The following TEAD4 variants were observed in gnomAD, a reference collection of about 807,000 sequenced individuals.
TEAD4 encodes the protein transcriptional enhancer factor TEF-3.
A neutral mutation model predicts 52.4 loss-of-function variants in TEAD4; 36 were observed. That is an observed-to-expected ratio of 0.69 (90% CI 0.53 to 0.91). The LOEUF is 0.91. Ranked by LOEUF, TEAD4 falls within the 40% of genes least tolerant of loss-of-function variation. TEAD4 has a pLI of 0.00. For synonymous variants in TEAD4, 220 were observed against 231.0 expected, an observed-to-expected ratio of 0.95 and a Z score of 0.43; for missense variants, 508 against 583.9, an observed-to-expected ratio of 0.87 and a Z score of 1.34.
Position 3,013,387 on chromosome 12 carries a change from C to T in TEAD4, c.354+1155C>T, listed in dbSNP as rs542787108. Among the ~76,000 whole-genome samples the T allele has an allele frequency of 5.3e-5, 8 of 152,134 alleles. No homozygotes were observed. The East Asian group carries it at 9.7e-4, about 18-fold the overall frequency. On this transcript the variant is annotated intron_variant, in intron 5 of 12. Coordinates refer to ENST00000359864, the MANE Select transcript of TEAD4 (RefSeq NM_003213.4). ...GGTTGGCAAAGCTCCTCTCCTCCCGCGCATCCTTTCCCACCCCATGGAACT... is the reference window on the plus strand; with the variant it reads ...GGTTGGCAAAGCTCCTCTCCTCCCGTGCATCCTTTCCCACCCCATGGAACT...
At chr12:3,039,193 C>G (rs1187844326) in intron 11 of TEAD4, among the ~76,000 whole-genome samples, 2 of 152,240 alleles carry the variant, frequency 1.3e-5, no homozygotes, top group Non-Finnish European at 2.9e-5. Context: ...GTGCCTGAAA[C>G]CCATTCATCA....
chr12:2,962,836 C>G (rs2153951989), intron 2 of TEAD4, among the ~76,000 whole-genome samples: 1 of 152,246 alleles, frequency 6.6e-6, no homozygotes, highest in African/African-American at 2.4e-5. Context: ...ATGCCGCAAC[C>G]CTGGTGAGTG....
intron 10 of TEAD4, among the ~76,000 whole-genome samples, chr12:3,037,280 G>C (rs1200654623): frequency 6.6e-6 from 1 of 152,164 alleles, no homozygotes; most frequent in Admixed American, 6.5e-5. Flanking sequence ...GATTCCCGGG[G>C]CAGTTAAGAG....
chr12:2,971,528 T>G (rs572417000), intron 2 of TEAD4, among the ~76,000 whole-genome samples: 19 of 152,104 alleles, frequency 1.2e-4, no homozygotes, highest in Non-Finnish European at 2.5e-4. Context: ...CAGGCTGGAG[T>G]GCTGTGGTGC....
intron 10 of TEAD4, among the ~76,000 whole-genome samples, chr12:3,024,611 C>T (rs1040369051): frequency 6.6e-6 from 1 of 152,028 alleles, no homozygotes; most frequent in Non-Finnish European, 1.5e-5. Flanking sequence ...GAGCCAAAAT[C>T]GCACCATTGC....
chr12:2,995,034 G>A, intron 3 of TEAD4, 42 bp downstream of exon 3: 4 of 1,589,012 alleles, frequency 2.5e-6, no homozygotes, highest in Non-Finnish European at 3.4e-6. Flanking sequence ...TGAGGCTGAG[G>A]CAAGGGGCCG....
chr12:3,004,221 C>T (rs1243616219), intron 3 of TEAD4, among the ~76,000 whole-genome samples: 2 of 152,224 alleles, frequency 1.3e-5, no homozygotes, highest in Non-Finnish European at 2.9e-5. Context: ...AGGGAAGGAG[C>T]AGCATCGTCC....
At chr12:2,985,707 T>C (rs1260781880) in intron 2 of TEAD4, among the ~76,000 whole-genome samples, 7 of 151,838 alleles carry the variant, frequency 4.6e-5, no homozygotes, top group Non-Finnish European at 8.8e-5. Flanking sequence ...GGTTTCAGCA[T>C]ATTGGCCAGG....
chr12:3,024,019 C>A lies in TEAD4; in HGVS notation c.897+2002C>A, dbSNP rs569495157. 3.3e-5 allele frequency among the ~76,000 whole-genome samples: 5 copies of A among 151,962 alleles called. No homozygotes were observed. In the South Asian group the frequency reaches 8.3e-4, roughly 25 times the overall value. On this transcript the variant is annotated intron_variant, in intron 10 of 12. Transcript: ENST00000359864. ...ATTAGCTGTGTTACATCACTTTTCC[C>A]CCTCATCATCCCAATGTAATAATAT...
chr12:3,016,605 A>AT (rs545083226), intron 5 of TEAD4, among the ~76,000 whole-genome samples: 5 of 130,094 alleles, frequency 3.8e-5, no homozygotes, highest in African/African-American at 1.5e-4. Flanking sequence ...CTGTCTCTGG[A>AT]AAAAAAAAAA....
In TEAD4 at chr12:2,971,146, C is replaced by G. The variant is rs1236577388; in HGVS notation, c.-30+11106C>G. ...CTGGTTCCTGTCCTCATGGAACTTG[C>G]AGGGAAATGGACTGTGAAGCTAGCA... On this transcript the variant is annotated intron_variant, in intron 2 of 12. Coordinates refer to ENST00000359864, the MANE Select transcript of TEAD4 (RefSeq NM_003213.4). Among the ~76,000 whole-genome samples the G allele has an allele frequency of 2.0e-5, 3 of 152,168 alleles. No homozygotes were observed. The East Asian group carries it at 5.8e-4, about 29-fold the overall frequency.
At chr12:2,971,813 T>C (rs989547828) in intron 2 of TEAD4, among the ~76,000 whole-genome samples, 1 of 136,084 alleles carries the variant, frequency 7.3e-6, no homozygotes, top group African/African-American at 3.1e-5. Flanking sequence ...TTTCTTTCTT[T>C]CTTTTTTTTT....
chr12:3,017,189 C>T (rs2098265209), intron 5 of TEAD4: 4 of 674,848 alleles, frequency 5.9e-6, no homozygotes, highest in Non-Finnish European at 1.1e-5. Context: ...AGTATCATGC[C>T]CCTTTGACAG....
intron 7 of TEAD4, 74 bp downstream of exon 7, chr12:3,018,662 A>T: frequency 2.5e-6 from 4 of 1,600,246 alleles, no homozygotes; most frequent in Non-Finnish European, 3.4e-6. Flanking sequence ...CATGGCATTA[A>T]GCCTGGGCCC....
intron 10 of TEAD4, among the ~76,000 whole-genome samples, chr12:3,025,704 T>G (rs997689214): frequency 5.9e-5 from 9 of 152,096 alleles, no homozygotes; most frequent in African/African-American, 2.2e-4. Flanking sequence ...GCCTGGCTAA[T>G]TTTTGTATTT....
At position 3,017,534 on chromosome 12, in the gene TEAD4, G is replaced by C. The variant is rs992464518; in HGVS notation, c.483+8G>C. 1 of 1,610,986 alleles carries C rather than the reference G, an allele frequency of 6.2e-7. No homozygotes were observed. Among genetic ancestry groups the C allele is most frequent in the Admixed American group, 1.7e-5 (1 of 59,516 alleles). ...CGCCCAGCAGTCTCAGGGGTAAGTG[G>C]GCTGCCGAGAGCTGGAGGCCAGGCC... On this transcript the variant is annotated splice_region_variant and intron_variant, in intron 6 of 12. Coordinates refer to ENST00000359864, the MANE Select transcript of TEAD4 (RefSeq NM_003213.4).
At chr12:2,968,485 C>T (rs1439196150) in intron 2 of TEAD4, among the ~76,000 whole-genome samples, 1 of 137,662 alleles carries the variant, frequency 7.3e-6, no homozygotes, top group Non-Finnish European at 1.5e-5. Flanking sequence ...GTGGCCTCAA[C>T]CTCCCGCGCC....
At chr12:3,038,152 G>A (rs1157701281) in intron 11 of TEAD4, 44 bp downstream of exon 11, 1 of 1,584,036 alleles carries the variant, frequency 6.3e-7, no homozygotes, top group Non-Finnish European at 8.6e-7. Flanking sequence ...GCAGTGGTCT[G>A]TGTTTGCTGG....
chr12:3,026,512 C>G (rs1034470607), intron 10 of TEAD4, among the ~76,000 whole-genome samples: 5 of 152,196 alleles, frequency 3.3e-5, no homozygotes, highest in African/African-American at 1.2e-4. Context: ...TGCTGGAGTT[C>G]CAGCCACTGT....
Sources: gnomAD v4.1 joint callset for allele counts (sites outside exome capture counted in the v4.1 genomes callset) on GRCh38, gnomAD v4.1.1 for gene constraint, MANE v1.5 for transcripts, NCBI Gene and HGNC (gene_info 2026-07-23, HGNC 2026-07-21) for gene names.